WWP2: variants seen among roughly 807,000 people sequenced by gnomAD.
The protein encoded by WWP2 is WW domain containing E3 ubiquitin protein ligase 2, also known as NEDD4-like E3 ubiquitin-protein ligase WWP2.
Under a neutral mutation model 121.0 loss-of-function variants are expected in WWP2, and 57 were observed. The observed-to-expected ratio is 0.47, with a 90% CI of 0.38 to 0.59. WWP2 has a LOEUF of 0.59. WWP2 is among the 20% of genes least tolerant of loss of function. The pLI, the probability that WWP2 is intolerant of heterozygous loss-of-function variation, is 0.00. For synonymous variants in WWP2, 449 were observed against 441.3 expected, an observed-to-expected ratio of 1.02 and a Z score of -0.22; for missense variants, 962 against 1,158.9, an observed-to-expected ratio of 0.83 and a Z score of 2.47.
intron 7 of WWP2, among the ~76,000 whole-genome samples, chr16:69,876,644 G>A (rs191750284): frequency 1.4e-3 from 212 of 152,288 alleles, no homozygotes; most frequent in African/African-American, 4.8e-3. Flanking sequence ...GATTATAGGC[G>A]TGAGCCACTG....
intron 2 of WWP2, among the ~76,000 whole-genome samples, chr16:69,796,463 T>C (rs1207980402): frequency 1.3e-5 from 2 of 152,230 alleles, no homozygotes; most frequent in Non-Finnish European, 2.9e-5. Context: ...AGAGTATCAA[T>C]TGTTTGCCCC....
intron 1 of WWP2, among the ~76,000 whole-genome samples, chr16:69,782,382 G>A (rs907756030): frequency 2.0e-5 from 3 of 152,138 alleles, no homozygotes; most frequent in Non-Finnish European, 4.4e-5. Flanking sequence ...GGTTGAGGAC[G>A]GGGCAGGAGC....
chr16:69,824,138 C>T (rs953762507), intron 4 of WWP2, among the ~76,000 whole-genome samples: 5 of 152,224 alleles, frequency 3.3e-5, no homozygotes, highest in African/African-American at 9.7e-5. Flanking sequence ...TCCGCCTGAC[C>T]GTCCATTCCA....
chr16:69,856,094 A>G (rs990172685), intron 6 of WWP2, among the ~76,000 whole-genome samples: 7 of 152,208 alleles, frequency 4.6e-5, no homozygotes, highest in Admixed American at 6.5e-5. Context: ...CAGCATAACA[A>G]GACTCCCATC....
chr16:69,832,427 A>G (rs1297909165), intron 4 of WWP2, among the ~76,000 whole-genome samples: 2 of 152,164 alleles, frequency 1.3e-5, no homozygotes, highest in African/African-American at 4.8e-5. Flanking sequence ...AACCCAACCC[A>G]TGATGCCAAT....
chr16:69,837,130 G>A (rs966551247), intron 4 of WWP2, among the ~76,000 whole-genome samples: 3 of 151,978 alleles, frequency 2.0e-5, no homozygotes, highest in African/African-American at 7.3e-5. Flanking sequence ...TTACCATGTT[G>A]CCCAGGCTGG....
At chr16:69,823,013 C>T (rs1385601634) in intron 4 of WWP2, among the ~76,000 whole-genome samples, 8 of 152,096 alleles carry the variant, frequency 5.3e-5, no homozygotes, top group Admixed American at 2.6e-4. Context: ...GGCACGTAAT[C>T]TCAGCTACTT....
chr16:69,920,902 G>T (rs2058552081), intron 10 of WWP2, among the ~76,000 whole-genome samples: 1 of 152,198 alleles, frequency 6.6e-6, no homozygotes, highest in African/African-American at 2.4e-5. Context: ...AAGATTCCCA[G>T]ATTCTGGAGC....
chr16:69,937,347 G>T lies in WWP2; in HGVS notation c.2238+109G>T. The T allele has an allele frequency of 3.9e-6, 6 of 1,529,768 alleles. No individual in the cohort carries two copies. In the South Asian group the frequency reaches 7.6e-5, roughly 19 times the overall value. The allele number at this position is 1,529,768 out of a possible 1,614,324, so 94.8% of individuals were successfully genotyped here. On this transcript the variant is annotated intron_variant, in intron 20 of 23. Transcript: ENST00000359154. This position sits in a 1 kb window ranked among gnomAD's most constrained non-coding sequence, Gnocchi z 6.6. ...ACACTCAGCGTAAAACTCCCACTTCGGCAGGGCAGATGGGTTTGATTTGGG... is the reference window on the plus strand; with the variant it reads ...ACACTCAGCGTAAAACTCCCACTTCTGCAGGGCAGATGGGTTTGATTTGGG...
chr16:69,906,865 G>A (rs773040242), intron 8 of WWP2, among the ~76,000 whole-genome samples: 4 of 152,118 alleles, frequency 2.6e-5, no homozygotes, highest in Non-Finnish European at 5.9e-5. Context: ...GGGCAACAGA[G>A]CAAGACTCTG....
At chr16:69,821,724 C>CTTTTTTTTTTTTTTTTT (rs557543615) in intron 4 of WWP2, among the ~76,000 whole-genome samples, 1 of 130,796 alleles carries the variant, frequency 7.6e-6, no homozygotes, top group Non-Finnish European at 1.6e-5. Flanking sequence ...TTCTTTCTTA[C>CTTTTTTTTTTTTTTTTT]TTTTTTTTTT....
chr16:69,800,185 G>T (rs796717493), intron 4 of WWP2, among the ~76,000 whole-genome samples: 1 of 151,504 alleles, frequency 6.6e-6, no homozygotes, highest in Non-Finnish European at 1.5e-5. Flanking sequence ...TTTTCTTTTC[G>T]GCTGGGCACA....
chr16:69,842,543 A>C (rs566609661), intron 6 of WWP2, among the ~76,000 whole-genome samples: 4 of 152,080 alleles, frequency 2.6e-5, no homozygotes, highest in African/African-American at 7.2e-5. Flanking sequence ...TGTGTACTCA[A>C]TGTTTAGCTC....
intron 9 of WWP2, chr16:69,909,797 A>G (rs911030106): frequency 2.8e-6 from 2 of 719,406 alleles, no homozygotes; most frequent in African/African-American, 1.9e-5. Context: ...TCAAATAGAT[A>G]TAGAGAGAAT....
At chr16:69,880,228 A>G (rs1440595453) in intron 7 of WWP2, among the ~76,000 whole-genome samples, 5 of 151,710 alleles carry the variant, frequency 3.3e-5, no homozygotes, top group African/African-American at 7.3e-5. Context: ...CTGGGATCCT[A>G]TTGTCACAAA....
At chr16:69,857,655 C>CTTTTTTTTT (rs1166811815) in intron 6 of WWP2, among the ~76,000 whole-genome samples, 2 of 71,914 alleles carry the variant, frequency 2.8e-5, no homozygotes, top group African/African-American at 5.9e-5. Flanking sequence ...AAGGTCAACT[C>CTTTTTTTTT]TTTTTTTTTT....
chr16:69,900,608 C>A (rs112757461), intron 8 of WWP2, among the ~76,000 whole-genome samples: 1 of 152,008 alleles, frequency 6.6e-6, no homozygotes, highest in Non-Finnish European at 1.5e-5. Flanking sequence ...CTGCATCCTC[C>A]GCCTCCTGGA....
intron 8 of WWP2, among the ~76,000 whole-genome samples, chr16:69,903,888 A>G (rs562242965): frequency 1.3e-4 from 20 of 152,366 alleles, no homozygotes; most frequent in Middle Eastern, 6.8e-3. Context: ...GAGTTTTCCA[A>G]ATAGTGACTG....
At chr16:69,923,225 T>C (rs1192702882) in intron 10 of WWP2, among the ~76,000 whole-genome samples, 3 of 150,130 alleles carry the variant, frequency 2.0e-5, no homozygotes, top group African/African-American at 7.3e-5. Context: ...ACCAACCTAA[T>C]AAATGTTGTT....
Sources: allele counts gnomAD v4.1 joint callset (sites outside exome capture counted in the v4.1 genomes callset), GRCh38; gene constraint gnomAD v4.1.1; non-coding constraint Gnocchi (gnomAD v3.1); transcripts MANE v1.5; gene names NCBI Gene and HGNC (gene_info 2026-07-23, HGNC 2026-07-21).